The following KPNA3 variants were observed in gnomAD, a reference collection of about 807,000 sequenced individuals.
KPNA3 encodes the protein importin subunit alpha-4.
In KPNA3, 13 loss-of-function variants were observed where a neutral mutation model predicts 73.8. The ratio of observed to expected loss-of-function variants is 0.18; its 90% CI spans 0.11 to 0.28. KPNA3 has a LOEUF of 0.28. KPNA3 is among the 10% of genes least tolerant of loss of function. The pLI is 1.00. For synonymous variants in KPNA3, 186 were observed against 206.9 expected (o/e 0.90, Z 0.87); for missense variants, 360 against 618.1 (o/e 0.58, Z 4.43).
intron 1 of KPNA3, among the ~76,000 whole-genome samples, chr13:49,785,242 T>C (rs1279608828): frequency 6.6e-6 from 1 of 152,102 alleles, no homozygotes. Flanking sequence ...TGGAGATAGT[T>C]TTTAAACAGG....
intron 1 of KPNA3, among the ~76,000 whole-genome samples, chr13:49,773,596 T>C (rs1044380072): frequency 3.9e-5 from 6 of 152,138 alleles, no homozygotes; most frequent in African/African-American, 1.2e-4. Flanking sequence ...AAGAGTGTTA[T>C]AAATAAATAA....
At chr13:49,725,184 C>T (rs1345721951) in intron 7 of KPNA3, among the ~76,000 whole-genome samples, 2 of 152,196 alleles carry the variant, frequency 1.3e-5, no homozygotes, top group African/African-American at 2.4e-5. Context: ...CCTGTTATCA[C>T]AGCATGATGT....
Position 49,709,583 on chromosome 13 carries a change from T to C in KPNA3, c.1021A>G (p.Lys341Glu). ...FPNLLSHPKE[K>E]INKEAVWFLS... is the part of the protein sequence containing the mutation. Reference sequence around the variant, plus strand: ...ATTATATGCCTTACCTTATTTATCTTCTCTTTTGGGTGTGATAAGAGATTT... The same window carrying C: ...ATTATATGCCTTACCTTATTTATCTCCTCTTTTGGGTGTGATAAGAGATTT... The change falls in exon 12 of 17, where the codon AAG becomes GAG. Residue 341 changes from lysine to glutamate, a missense_variant. By Grantham distance (56) the Lys-to-Glu change is moderately conservative. This residue lies in a region of KPNA3 where 287 missense variants were observed against 549.1 expected (regional missense o/e 0.52). Coordinates refer to ENST00000261667, the MANE Select transcript of KPNA3 (RefSeq NM_002267.4). The C allele has an allele frequency of 6.2e-7, 1 of 1,612,914 alleles. No individual in the cohort carries two copies.
chr13:49,771,621 A>C (rs530389864), intron 1 of KPNA3, among the ~76,000 whole-genome samples: 1 of 151,990 alleles, frequency 6.6e-6, no homozygotes, highest in East Asian at 1.9e-4. Flanking sequence ...CAGCTTTTTA[A>C]ATTTTTGATT....
chr13:49,710,292 T>A (rs1954248531), intron 11 of KPNA3, among the ~76,000 whole-genome samples: 1 of 152,062 alleles, frequency 6.6e-6, no homozygotes, highest in African/African-American at 2.4e-5. Context: ...AATAAACGCC[T>A]GGAATGGGCA....
intron 7 of KPNA3, among the ~76,000 whole-genome samples, chr13:49,723,882 A>AG (rs1180157095): frequency 3.3e-5 from 5 of 151,256 alleles, no homozygotes; most frequent in Non-Finnish European, 7.4e-5. Flanking sequence ...AAAAAAAAAA[A>AG]AAGAAAAGAA....
chr13:49,720,094 T>C (rs1348524735), intron 9 of KPNA3, among the ~76,000 whole-genome samples: 1 of 152,146 alleles, frequency 6.6e-6, no homozygotes, highest in Non-Finnish European at 1.5e-5. Flanking sequence ...AATAAAAACA[T>C]TTGTTTTTAA....
At chr13:49,742,866 A>G (rs1954585352) in intron 2 of KPNA3, among the ~76,000 whole-genome samples, 1 of 152,178 alleles carries the variant, frequency 6.6e-6, no homozygotes, top group Non-Finnish European at 1.5e-5. Context: ...CACGGCCTAT[A>G]TCTGAAGTAT....
chr13:49,784,921 A>T (rs1954969535), intron 1 of KPNA3, among the ~76,000 whole-genome samples: 1 of 152,154 alleles, frequency 6.6e-6, no homozygotes, highest in African/African-American at 2.4e-5. Flanking sequence ...CATAATTGCA[A>T]CGAGAAAGAT....
At chr13:49,721,896 T>C (rs1233128173) in intron 9 of KPNA3, 59 bp downstream of exon 9, 1 of 1,184,602 alleles carries the variant, frequency 8.4e-7, no homozygotes, top group Admixed American at 2.6e-5. Flanking sequence ...TGTATATGAA[T>C]TCCTGAAGTA....
intron 1 of KPNA3, among the ~76,000 whole-genome samples, chr13:49,748,576 G>GA (rs954239131): frequency 1.6e-4 from 24 of 151,218 alleles, no homozygotes; most frequent in African/African-American, 5.1e-4. Context: ...ATCTTCTTAA[G>GA]AAAAAAAATC....
intron 2 of KPNA3, among the ~76,000 whole-genome samples, chr13:49,733,603 T>A (rs1954492384): frequency 6.6e-6 from 1 of 152,216 alleles, no homozygotes; most frequent in African/African-American, 2.4e-5. Context: ...TGCGTAAGTT[T>A]GCTCATACTT....
chr13:49,767,752 G>A (rs560049419), intron 1 of KPNA3, among the ~76,000 whole-genome samples: 95 of 152,222 alleles, frequency 6.2e-4, no homozygotes, highest in Admixed American at 4.1e-3. Context: ...CTTAGGAAAC[G>A]AGGATATCAC....
intron 1 of KPNA3, among the ~76,000 whole-genome samples, chr13:49,779,940 T>G (rs1315643630): frequency 6.6e-6 from 1 of 152,080 alleles, no homozygotes; most frequent in Non-Finnish European, 1.5e-5. Context: ...TTCAGGAAAC[T>G]CTCCTCCCTA....
intron 1 of KPNA3, among the ~76,000 whole-genome samples, chr13:49,772,885 T>C (rs769936772): frequency 2.0e-5 from 3 of 152,136 alleles, no homozygotes; most frequent in Admixed American, 6.5e-5. Context: ...GAGAAACACA[T>C]AGACTTGTAC....
intron 1 of KPNA3, among the ~76,000 whole-genome samples, chr13:49,766,727 T>C (rs9535333): frequency 0.25 from 37,806 of 152,054 alleles, 5,358 homozygotes; most frequent in Non-Finnish European, 0.32. Flanking sequence ...GTTCCACTGG[T>C]CTGCCAGTTA....
At chr13:49,757,775 G>A (rs1235306988) in intron 1 of KPNA3, among the ~76,000 whole-genome samples, 3 of 152,056 alleles carry the variant, frequency 2.0e-5, no homozygotes, top group Admixed American at 1.3e-4. Context: ...AACAACCCAG[G>A]TATCCTTCAC....
At position 49,716,542 on chromosome 13, in the gene KPNA3, G is replaced by A. The variant is rs556100344; in HGVS notation, c.771+3233C>T. 5.9e-5 allele frequency among the ~76,000 whole-genome samples: 9 copies of A among 152,034 alleles called. No individual in the cohort carries two copies. In the South Asian group the frequency reaches 8.3e-4, roughly 14 times the overall value. ...CAACCTCCACCTCCCCGACTCAAGC[G>A]ATTCTCCTGCCCCAGCCTCCCAAGT... On this transcript the variant is annotated intron_variant, in intron 10 of 16. Coordinates refer to ENST00000261667, the MANE Select transcript of KPNA3 (RefSeq NM_002267.4).
intron 1 of KPNA3, among the ~76,000 whole-genome samples, chr13:49,769,939 G>A (rs1187008398): frequency 2.6e-5 from 4 of 152,072 alleles, no homozygotes; most frequent in East Asian, 1.9e-4. Context: ...TTTAGTGTAC[G>A]TGAAATGATA....
Sources: allele counts gnomAD v4.1 joint callset (sites outside exome capture counted in the v4.1 genomes callset), GRCh38; gene constraint gnomAD v4.1.1; regional missense constraint gnomAD v4.1.1; transcripts MANE v1.5; gene names NCBI Gene and HGNC (gene_info 2026-07-23, HGNC 2026-07-21).